Variants in SMOC2 observed in about 807,000 individuals in gnomAD.
The protein encoded by SMOC2 is SPARC-related modular calcium-binding protein 2.
A neutral mutation model predicts 61.4 loss-of-function variants in SMOC2; 39 were observed. That is an observed-to-expected ratio of 0.64 (90% CI 0.49 to 0.83). SMOC2 has a LOEUF of 0.83. SMOC2 is among the 40% of genes least tolerant of loss of function. The pLI is 0.00. For synonymous variants in SMOC2, 247 were observed against 239.9 expected (o/e 1.03, Z -0.27); for missense variants, 556 against 592.9 (o/e 0.94, Z 0.65).
chr6:168,569,380 T>G (rs1403073053), intron 7 of SMOC2, among the ~76,000 whole-genome samples: 1 of 152,182 alleles, frequency 6.6e-6, no homozygotes, highest in Non-Finnish European at 1.5e-5. Flanking sequence ...TAATTGGGGT[T>G]TTTTTAATTG....
intron 8 of SMOC2, among the ~76,000 whole-genome samples, chr6:168,604,456 C>T (rs554305153): frequency 1.3e-5 from 2 of 152,268 alleles, no homozygotes; most frequent in East Asian, 1.9e-4. Context: ...CTTCACCATT[C>T]CTCATCTCCC....
intron 9 of SMOC2, among the ~76,000 whole-genome samples, chr6:168,642,249 C>T (rs1312380259): frequency 6.6e-6 from 1 of 152,162 alleles, no homozygotes; most frequent in Non-Finnish European, 1.5e-5. Context: ...AAGTGATGGA[C>T]AGAAAACAGA....
At position 168,513,507 on chromosome 6, in the gene SMOC2, ACACT is replaced by A. The variant is rs1257814608; in HGVS notation, c.256+3425_256+3428del. ...CATACACACACACACACACACATAG[ACACT>A]CACATAAACACACACAAACTTAGTT... On this transcript the variant is annotated intron_variant, in intron 2 of 12. Coordinates refer to ENST00000356284, the MANE Select transcript of SMOC2 (RefSeq NM_001166412.2). 4.6e-5 allele frequency among the ~76,000 whole-genome samples: 7 copies of A among 152,240 alleles called. No homozygotes were observed. The South Asian group carries it at 6.2e-4, about 14-fold the overall frequency.
At chr6:168,540,904 GT>G (rs1783863725) in intron 4 of SMOC2, among the ~76,000 whole-genome samples, 1 of 152,150 alleles carries the variant, frequency 6.6e-6, no homozygotes, top group South Asian at 2.1e-4. Context: ...TCTCACGTCT[GT>G]GCCGCAGACC....
In SMOC2 at chr6:168,581,538, G is replaced by T. The variant is rs183808141; in HGVS notation, c.638-17280G>T. Among the ~76,000 whole-genome samples, 39 of 152,160 alleles carry T rather than the reference G, an allele frequency of 2.6e-4. 1 individual carries two copies. The highest frequency in any genetic ancestry group is 4.0e-4 in the Non-Finnish European group (27 of 68,034). On this transcript the variant is annotated intron_variant, in intron 7 of 12. Transcript: ENST00000356284. ...TGCCCTAGTCACATTCTTGCCGGGCGCATTTCTTGCCGTCACTGAGTTTTA... is the reference window on the plus strand; with the variant it reads ...TGCCCTAGTCACATTCTTGCCGGGCTCATTTCTTGCCGTCACTGAGTTTTA...
chr6:168,641,125 C>T (rs1786881683), intron 9 of SMOC2, among the ~76,000 whole-genome samples: 1 of 152,088 alleles, frequency 6.6e-6, no homozygotes, highest in Non-Finnish European at 1.5e-5. Context: ...AGTGAGAATA[C>T]AGTCTTGCAA....
intron 9 of SMOC2, among the ~76,000 whole-genome samples, chr6:168,618,437 G>A (rs1026053277): frequency 6.8e-6 from 1 of 146,650 alleles, no homozygotes; most frequent in Non-Finnish European, 1.5e-5. Context: ...GAGTGGAGGA[G>A]AGGCGGGTAG....
At chr6:168,641,102 G>A (rs749608887) in intron 9 of SMOC2, among the ~76,000 whole-genome samples, 8 of 152,024 alleles carry the variant, frequency 5.3e-5, no homozygotes, top group African/African-American at 7.3e-5. Context: ...TTGTCATGCC[G>A]AGTAACACTG....
At chr6:168,604,787 T>C (rs945601076) in intron 8 of SMOC2, among the ~76,000 whole-genome samples, 3 of 152,310 alleles carry the variant, frequency 2.0e-5, no homozygotes, top group South Asian at 4.1e-4. Flanking sequence ...TGTGGCAGAC[T>C]CATCCCAAGG....
intron 11 of SMOC2, among the ~76,000 whole-genome samples, chr6:168,656,922 G>A (rs1787337877): frequency 6.6e-6 from 1 of 152,240 alleles, no homozygotes; most frequent in Non-Finnish European, 1.5e-5. Context: ...CTGTATGCAG[G>A]AGGCTGCCCC....
chr6:168,551,074 C>A (rs1169661926), intron 7 of SMOC2, among the ~76,000 whole-genome samples: 1 of 152,200 alleles, frequency 6.6e-6, no homozygotes, highest in East Asian at 1.9e-4. Context: ...TCCCCCCATG[C>A]TGTTCTCATG....
At chr6:168,556,659 T>TGTGC (rs1385100386) in intron 7 of SMOC2, among the ~76,000 whole-genome samples, 1 of 151,918 alleles carries the variant, frequency 6.6e-6, no homozygotes, top group African/African-American at 2.4e-5. Flanking sequence ...GTTTGTTACA[T>TGTGC]ATGTATACAT....
At chr6:168,501,486 C>G (rs899347366) in intron 1 of SMOC2, among the ~76,000 whole-genome samples, 18 of 151,692 alleles carry the variant, frequency 1.2e-4, no homozygotes, top group Admixed American at 2.0e-4. Flanking sequence ...TCCCTCGCCA[C>G]GGGGCCAGGA....
chr6:168,600,277 G>C (rs1283171874), intron 8 of SMOC2, among the ~76,000 whole-genome samples: 8 of 151,820 alleles, frequency 5.3e-5, no homozygotes, highest in Admixed American at 2.6e-4. Context: ...CGTGGTGGTG[G>C]ATGCCTGTAA....
rs1372841065 is a variant in SMOC2, at chr6:168,599,344, CACA to C, written c.824+343_824+345del. ...TGTTTCACACACACTCATACCCACACACAACCACTCACACGCACACAATCATAC... is the reference window on the plus strand; with the variant it reads ...TGTTTCACACACACTCATACCCACACACCACTCACACGCACACAATCATAC... On this transcript the variant is annotated intron_variant, in intron 8 of 12. Transcript: ENST00000356284. 1.5e-4 allele frequency among the ~76,000 whole-genome samples: 22 copies of C among 147,788 alleles called. No homozygotes were observed. In the South Asian group the frequency reaches 4.2e-3, roughly 28 times the overall value.
At chr6:168,450,971 T>G (rs1393458869) in intron 1 of SMOC2, among the ~76,000 whole-genome samples, 1 of 152,228 alleles carries the variant, frequency 6.6e-6, no homozygotes, top group African/African-American at 2.4e-5. Flanking sequence ...GATTCCATTA[T>G]CCTAGGTTGG....
chr6:168,630,465 C>G (rs1298391303), intron 9 of SMOC2, among the ~76,000 whole-genome samples: 2 of 152,194 alleles, frequency 1.3e-5, no homozygotes, highest in Non-Finnish European at 2.9e-5. Flanking sequence ...ACTTTAATCT[C>G]TTAATCCTGT....
At position 168,452,552 on chromosome 6, in the gene SMOC2, T is replaced by A. The variant is rs1483244029; in HGVS notation, c.84+11098T>A. On this transcript the variant is annotated intron_variant, in intron 1 of 12. Coordinates refer to ENST00000356284, the MANE Select transcript of SMOC2 (RefSeq NM_001166412.2). This position sits in a 1 kb window ranked among gnomAD's most constrained non-coding sequence, Gnocchi z 5.0. ...TCTCCAGTAATAGGATTCTCAGACA[T>A]GTGATTTTCATGAGGGATTTTAACC... Among the ~76,000 whole-genome samples the A allele has an allele frequency of 2.0e-5, 3 of 152,172 alleles. No individual in the cohort carries two copies. Among genetic ancestry groups the A allele is most frequent in the Non-Finnish European group, 4.4e-5 (3 of 68,014 alleles).
intron 1 of SMOC2, among the ~76,000 whole-genome samples, chr6:168,499,229 C>G (rs751726227): frequency 1.3e-5 from 2 of 152,234 alleles, no homozygotes; most frequent in Non-Finnish European, 2.9e-5. Flanking sequence ...GTCCATTGCC[C>G]GGGAGACGGT....
Sources: allele counts gnomAD v4.1 joint callset (sites outside exome capture counted in the v4.1 genomes callset), GRCh38; gene constraint gnomAD v4.1.1; non-coding constraint Gnocchi (gnomAD v3.1); transcripts MANE v1.5; gene names NCBI Gene and HGNC (gene_info 2026-07-23, HGNC 2026-07-21).